Variants in RSU1 observed in about 807,000 individuals in gnomAD.
RSU1 encodes rsu-1.
A neutral mutation model predicts 31.1 loss-of-function variants in RSU1; 26 were observed. That is an observed-to-expected ratio of 0.84 (90% CI 0.61 to 1.16). RSU1 has a LOEUF of 1.16. Among genes scored for constraint, RSU1 ranks in the 50% most tolerant of loss-of-function variants. The pLI is 0.00. For synonymous variants in RSU1, 164 were observed against 136.3 expected (o/e 1.20, Z -1.41); for missense variants, 320 against 339.1 (o/e 0.94, Z 0.44).
chr10:16,766,311 G>GA (rs1221374034), intron 3 of RSU1, among the ~76,000 whole-genome samples: 5 of 152,206 alleles, frequency 3.3e-5, no homozygotes, highest in Non-Finnish European at 4.4e-5. Context: ...GAATGCAAAT[G>GA]AACCCTACCT....
intron 7 of RSU1, among the ~76,000 whole-genome samples, chr10:16,734,832 C>G (rs1028747421): frequency 6.6e-6 from 1 of 152,118 alleles, no homozygotes; most frequent in African/African-American, 2.4e-5. Context: ...GAAATGGTGA[C>G]TTCACAGAGA....
At chr10:16,653,689 T>G (rs927760358) in intron 8 of RSU1, among the ~76,000 whole-genome samples, 4 of 152,050 alleles carry the variant, frequency 2.6e-5, no homozygotes, top group African/African-American at 9.7e-5. Flanking sequence ...CAGTATGCAA[T>G]TTGTATTATG....
chr10:16,817,176 C>T, intron 1 of RSU1, 92 bp from the exon 2 acceptor site: 1 of 904,418 alleles, frequency 1.1e-6, no homozygotes, highest in Non-Finnish European at 1.8e-6. Flanking sequence ...GAGGCTTCCC[C>T]AGGGTTGGAG....
chr10:16,656,116 A>G (rs1253566568), intron 8 of RSU1, among the ~76,000 whole-genome samples: 1 of 152,240 alleles, frequency 6.6e-6, no homozygotes, highest in Non-Finnish European at 1.5e-5. Flanking sequence ...GTTGCACATA[A>G]TAATTAGAGA....
chr10:16,641,391 C>G (rs766175713), intron 8 of RSU1, among the ~76,000 whole-genome samples: 1 of 151,580 alleles, frequency 6.6e-6, no homozygotes, highest in Admixed American at 6.6e-5. Flanking sequence ...ACTCGGGAGG[C>G]TGAGGCAGAA....
intron 2 of RSU1, among the ~76,000 whole-genome samples, chr10:16,812,981 G>C (rs1403960329): frequency 8.0e-6 from 1 of 125,134 alleles, no homozygotes; most frequent in African/African-American, 3.1e-5. Flanking sequence ...ATTATGCTGG[G>C]AAGCTTTTTT....
chr10:16,793,067 A>G (rs976306628), intron 2 of RSU1, among the ~76,000 whole-genome samples: 7 of 152,276 alleles, frequency 4.6e-5, no homozygotes, highest in Admixed American at 4.6e-4. Context: ...AAAATATTTG[A>G]TATCAATAAA....
chr10:16,683,042 A>G (rs538350593), intron 8 of RSU1, among the ~76,000 whole-genome samples: 66 of 152,290 alleles, frequency 4.3e-4, no homozygotes, highest in Non-Finnish European at 7.6e-4. Flanking sequence ...GTCCATTCTT[A>G]AAAGATTAAC....
At chr10:16,715,736 T>C (rs916304235) in intron 7 of RSU1, among the ~76,000 whole-genome samples, 2 of 152,232 alleles carry the variant, frequency 1.3e-5, no homozygotes, top group African/African-American at 4.8e-5. Context: ...TCAGGAATTG[T>C]TAAATCCTTC....
intron 3 of RSU1, among the ~76,000 whole-genome samples, chr10:16,779,276 T>C (rs1837603083): frequency 1.3e-5 from 2 of 152,212 alleles, no homozygotes; most frequent in Admixed American, 1.3e-4. Flanking sequence ...TTTTATGAAC[T>C]GCAGTATTTA....
chr10:16,686,843 T>G (rs1050390194), intron 8 of RSU1, among the ~76,000 whole-genome samples: 2 of 142,676 alleles, frequency 1.4e-5, no homozygotes, highest in African/African-American at 4.9e-5. Flanking sequence ...CTCCCTTTGA[T>G]GTTGCAGCTG....
At chr10:16,629,183 T>A (rs1834206791) in intron 8 of RSU1, among the ~76,000 whole-genome samples, 1 of 152,178 alleles carries the variant, frequency 6.6e-6, no homozygotes, top group Admixed American at 6.5e-5. Flanking sequence ...CACATGCAGA[T>A]TCTGATGCGG....
At chr10:16,650,085 C>T (rs200458331) in intron 8 of RSU1, among the ~76,000 whole-genome samples, 1 of 128,608 alleles carries the variant, frequency 7.8e-6, no homozygotes, top group Admixed American at 7.7e-5. Context: ...GACAATAATT[C>T]TCTCTTTCCC....
At chr10:16,616,458 C>T (rs535635909) in intron 8 of RSU1, among the ~76,000 whole-genome samples, 2 of 151,580 alleles carry the variant, frequency 1.3e-5, no homozygotes, top group Non-Finnish European at 2.9e-5. Flanking sequence ...AATATCATTC[C>T]TTCTGAAATG....
At chr10:16,720,890 G>T (rs1276703683) in intron 7 of RSU1, among the ~76,000 whole-genome samples, 1 of 152,146 alleles carries the variant, frequency 6.6e-6, no homozygotes, top group Admixed American at 6.5e-5. Flanking sequence ...GGAGGCTGAG[G>T]TGGGAGGATC....
intron 8 of RSU1, among the ~76,000 whole-genome samples, chr10:16,594,505 T>C (rs1833572390): frequency 6.6e-6 from 1 of 150,900 alleles, no homozygotes; most frequent in Admixed American, 6.6e-5. Context: ...CTCAAACTCC[T>C]GGGCTCAAGC....
At chr10:16,661,880 C>T (rs1304724548) in intron 8 of RSU1, among the ~76,000 whole-genome samples, 1 of 152,130 alleles carries the variant, frequency 6.6e-6, no homozygotes, top group Admixed American at 6.6e-5. Context: ...GTCTTTCTGC[C>T]CCTTGAGGAT....
chr10:16,664,523 T>C (rs1190378875), intron 8 of RSU1, among the ~76,000 whole-genome samples: 1 of 152,200 alleles, frequency 6.6e-6, no homozygotes, highest in Non-Finnish European at 1.5e-5. Flanking sequence ...TTCTTGCTAA[T>C]AAATGAGTGT....
At position 16,736,458 on chromosome 10, in the gene RSU1, G is replaced by C. The variant is rs138770661; in HGVS notation, c.598+16081C>G. ...AGGGTTAATCTAGCCCAGGAGTAAA[G>C]ACTAGTAAGGACCAAGTCTAACAGG... On this transcript the variant is annotated intron_variant, in intron 7 of 8. Transcript: ENST00000345264. 2.3e-3 allele frequency among the ~76,000 whole-genome samples: 352 copies of C among 152,180 alleles called. 2 individuals are homozygous for C. Among genetic ancestry groups the C allele is most frequent in the African/African-American group, 8.1e-3 (338 of 41,522 alleles).
Sources: gnomAD v4.1 joint callset for allele counts (sites outside exome capture counted in the v4.1 genomes callset) on GRCh38, gnomAD v4.1.1 for gene constraint, MANE v1.5 for transcripts, NCBI Gene and HGNC (gene_info 2026-07-23, HGNC 2026-07-21) for gene names.